TOX4: variants seen among roughly 807,000 people sequenced by gnomAD.
TOX4 encodes the protein epidermal Langerhans cell protein LCP1.
A neutral mutation model predicts 61.0 loss-of-function variants in TOX4; 12 were observed. The ratio of observed to expected loss-of-function variants is 0.20; its 90% CI spans 0.13 to 0.32. TOX4 has a LOEUF of 0.32. Ranked by LOEUF, TOX4 falls within the 10% of genes least tolerant of loss-of-function variation. The pLI is 1.00. For synonymous variants in TOX4, 268 were observed against 274.8 expected, an observed-to-expected ratio of 0.98 and a Z score of 0.24; for missense variants, 499 against 753.3, an observed-to-expected ratio of 0.66 and a Z score of 3.95.
rs573457183 is a variant in TOX4, at chr14:21,479,136, A to G, written c.75+1572A>G. ...CCAGTTTAACTTTTTTGTTGCTTTT[A>G]TTTATTATTCTCATAAGCAGGATAA... is the stretch of plus-strand genomic sequence containing the variant. On this transcript the variant is annotated intron_variant, in intron 2 of 8. Coordinates refer to ENST00000448790, the MANE Select transcript of TOX4 (RefSeq NM_014828.4). 7.7e-5 allele frequency among the ~76,000 whole-genome samples: 6 copies of G among 78,034 alleles called. No individual in the cohort carries two copies. The South Asian group carries it at 2.8e-3, about 36-fold the overall frequency. 51.2% of individuals were successfully genotyped at this position (78,034 alleles called of 152,430 possible).
intron 5 of TOX4, chr14:21,492,065 A>C (rs901153948): frequency 2.5e-6 from 1 of 404,630 alleles, no homozygotes; most frequent in South Asian, 5.3e-5. Flanking sequence ...AAATGTAGCT[A>C]TTCTTGCCAG....
chr14:21,492,261 G>A, intron 5 of TOX4, 35 bp from the exon 6 acceptor site: 1 of 1,508,500 alleles, frequency 6.6e-7, no homozygotes, highest in Non-Finnish European at 9.0e-7. Context: ...AGTATGGGGA[G>A]TTTTGTTTTT....
At position 21,499,153 on chromosome 14, in the gene TOX4, T is replaced by TAGCC. The variant is rs1447862851; in HGVS notation, c.*2550_*2551insCAGC. On this transcript the variant is annotated 3_prime_UTR_variant, in exon 9 of 9. Coordinates refer to ENST00000448790, the MANE Select transcript of TOX4 (RefSeq NM_014828.4). The stretch of plus-strand genomic sequence containing the variant: ...TGGAACGAACCTAGGAAATAAAAAC[T>TAGCC]AGCTGCTTTTTAAGTTACACAAGAT... 5.0e-6 allele frequency: 8 copies of TAGCC among 1,601,850 alleles called. No individual in the cohort carries two copies. The highest frequency in any genetic ancestry group is 6.8e-6 in the Non-Finnish European group (8 of 1,168,832).
At chr14:21,487,282 GAAGA>G (rs1177862798) in intron 2 of TOX4, among the ~76,000 whole-genome samples, 165 bp from the exon 3 acceptor site, 3 of 152,186 alleles carry the variant, frequency 2.0e-5, no homozygotes, top group African/African-American at 7.2e-5. Context: ...AAGGGTATCA[GAAGA>G]GAGATTGGTA....
In TOX4 at chr14:21,484,779, C is replaced by A. The variant is rs1460145322; in HGVS notation, c.76-2672C>A. ...GTTCAAGTGATCCTCGTGCCTCAGC[C>A]TCTCGAGTAGCTAGGATTATAGGTG... is the stretch of plus-strand genomic sequence containing the variant. On this transcript the variant is annotated intron_variant, in intron 2 of 8. Coordinates refer to ENST00000448790, the MANE Select transcript of TOX4 (RefSeq NM_014828.4). 7.6e-5 allele frequency among the ~76,000 whole-genome samples: 8 copies of A among 105,740 alleles called. 2 individuals are homozygous for A. Among genetic ancestry groups the A allele is most frequent in the Admixed American group, 6.8e-4 (8 of 11,806 alleles). The allele number at this position is 105,740 out of a possible 152,430, so 69.4% of individuals were successfully genotyped here.
At chr14:21,490,081 G>A (rs1002146803) in intron 5 of TOX4, among the ~76,000 whole-genome samples, 2 of 151,892 alleles carry the variant, frequency 1.3e-5, no homozygotes, top group Non-Finnish European at 1.5e-5. Flanking sequence ...TGAGGCGGGA[G>A]GATTGCTTGA....
intron 2 of TOX4, among the ~76,000 whole-genome samples, chr14:21,480,273 T>A (rs1201265065): frequency 1.3e-5 from 2 of 152,208 alleles, no homozygotes; most frequent in African/African-American, 4.8e-5. Context: ...GTCCTTTGTT[T>A]TTGTTTTTGT....
At position 21,496,839 on chromosome 14, in the gene TOX4, AAAGGGTG is replaced by A; in HGVS notation, c.*239_*245del. The A allele has an allele frequency of 2.1e-6, 1 of 481,768 alleles. No individual in the cohort carries two copies. The allele number at this position is 481,768 out of a possible 1,614,324, so 29.8% of individuals were successfully genotyped here. A position where few individuals can be genotyped will look rare whatever the true frequency, so the allele number is the denominator to read the frequency against. ...CAACCATAAGCGGTAATAGCAGAGG[AAAGGGTG>A]AAGGGAGTCTGGGCAAGCAAAGCAT... On this transcript the variant is annotated 3_prime_UTR_variant, in exon 9 of 9. Transcript: ENST00000448790.
Position 21,492,392 on chromosome 14 carries a change from T to C in TOX4, c.891+16T>C, listed in dbSNP as rs761683177. 2 of 1,613,228 alleles carry C rather than the reference T, an allele frequency of 1.2e-6. No homozygotes were observed. The highest frequency in any genetic ancestry group is 1.7e-6 in the Non-Finnish European group (2 of 1,179,754). On this transcript the variant is annotated intron_variant, in intron 6 of 8. Coordinates refer to ENST00000448790, the MANE Select transcript of TOX4 (RefSeq NM_014828.4). ...GGAGTGTCAGGTAAGAGGGATAGGA[T>C]AGAATGAATATTTAAACCAGTAAGA... is the stretch of plus-strand genomic sequence containing the variant.
Position 21,477,248 on chromosome 14 carries a change from G to A in TOX4, c.-31G>A, listed in dbSNP as rs767779587. The stretch of plus-strand genomic sequence containing the variant: ...CAGTGGGGGCGGTGGGAGCGATGAG[G>A]GTCTGAGACGGTGGGAGCGGTTGTG... On this transcript the variant is annotated 5_prime_UTR_variant, in exon 1 of 9. Coordinates refer to ENST00000448790, the MANE Select transcript of TOX4 (RefSeq NM_014828.4). 6.2e-7 allele frequency: 1 copy of A among 1,613,848 alleles called. No homozygotes were observed.
In TOX4 at chr14:21,488,594, T is replaced by G; in HGVS notation, c.323T>G (p.Leu108Trp). The G allele has an allele frequency of 6.2e-7, 1 of 1,613,714 alleles. No homozygotes were observed. Residue 108 changes from leucine (L) to tryptophan (W), a missense_variant, in exon 4 of 9, where the codon TTG (leucine) becomes TGG (tryptophan). This residue lies in a region of TOX4 where 90 missense variants were observed against 109.5 expected (regional missense o/e 0.82). Transcript: ENST00000448790. The stretch of plus-strand genomic sequence containing the variant: ...TAGTCCTTCTGCTTCTCTCAGGACT[T>G]GGACCACTCTATAGGAACTCAGTAT... ...GLLSGGLTMD[L>W]DHSIGTQYSA...
chr14:21,484,227 T>C (rs1891157864), intron 2 of TOX4, among the ~76,000 whole-genome samples: 1 of 152,098 alleles, frequency 6.6e-6, no homozygotes, highest in Non-Finnish European at 1.5e-5. Context: ...CTTTTTGTCT[T>C]TTAGGAAACT....
Position 21,498,295 on chromosome 14 carries a change from T to C in TOX4, c.*1689T>C. The C allele has an allele frequency of 6.2e-7, 1 of 1,613,450 alleles. No individual in the cohort carries two copies. The highest frequency in any genetic ancestry group is 8.5e-7 in the Non-Finnish European group (1 of 1,179,324). ...AGGTTTAGAGATGATACCATCTGGG[T>C]ACCTTTGCTTGAACCGTGCAACCAC... On this transcript the variant is annotated 3_prime_UTR_variant, in exon 9 of 9. Coordinates refer to ENST00000448790, the MANE Select transcript of TOX4 (RefSeq NM_014828.4).
intron 2 of TOX4, among the ~76,000 whole-genome samples, chr14:21,483,900 TG>T (rs1257267883): frequency 2.0e-5 from 3 of 152,020 alleles, no homozygotes; most frequent in Non-Finnish European, 4.4e-5. Flanking sequence ...CTTCAACTCC[TG>T]GGTTCAAGCG....
Position 21,496,687 on chromosome 14 carries a change from T to G in TOX4, c.*81T>G, listed in dbSNP as rs1176466035. On this transcript the variant is annotated 3_prime_UTR_variant, in exon 9 of 9. Transcript: ENST00000448790. The stretch of plus-strand genomic sequence containing the variant: ...CCTGTTTTTGAAACACAAGCTGGGC[T>G]TCTGGTAGTGCCTCATCACAACCCA... 1 of 1,274,646 alleles carries G rather than the reference T, an allele frequency of 7.8e-7. No individual in the cohort carries two copies. The highest frequency in any genetic ancestry group is 1.5e-5 in the African/African-American group (1 of 67,826). The allele number at this position is 1,274,646 out of a possible 1,614,324, so 79.0% of individuals were successfully genotyped here. A position where few individuals can be genotyped will look rare whatever the true frequency, so the allele number is the denominator to read the frequency against.
Position 21,492,625 on chromosome 14 carries a change from C to T in TOX4, c.1009C>T (p.Leu337=), listed in dbSNP as rs752304670. ...ACCAGCTTCAATAGAGCCCCCTGCC[C>T]TGTCCCCATCCATTGTTGTTAACTC... is the stretch of plus-strand genomic sequence containing the variant. ...PAPASIEPPA[L]SPSIVVNSTL... Residue 337 remains leucine, a synonymous_variant, in exon 7 of 9, where the codon CTG becomes TTG. Coordinates refer to ENST00000448790, the MANE Select transcript of TOX4 (RefSeq NM_014828.4). The T allele has an allele frequency of 3.2e-5, 51 of 1,613,682 alleles. No homozygotes were observed. In the South Asian group the frequency reaches 5.6e-4, roughly 18 times the overall value.
Position 21,488,594 on chromosome 14 carries a change from T to C in TOX4, c.323T>C (p.Leu108Ser). 1 of 1,613,714 alleles carries C rather than the reference T, an allele frequency of 6.2e-7. No individual in the cohort carries two copies. Among genetic ancestry groups the C allele is most frequent in the East Asian group, 2.2e-5 (1 of 44,878 alleles). ...GLLSGGLTMDLDHSIGTQYSA... is the reference protein window; with the variant it reads ...GLLSGGLTMDSDHSIGTQYSA... Reference sequence around the variant, plus strand: ...TAGTCCTTCTGCTTCTCTCAGGACTTGGACCACTCTATAGGAACTCAGTAT... The same window carrying C: ...TAGTCCTTCTGCTTCTCTCAGGACTCGGACCACTCTATAGGAACTCAGTAT... The change falls in exon 4 of 9, where the codon TTG becomes TCG. Residue 108 changes from leucine (L) to serine (S), a missense_variant. By Grantham distance (145) the Leu-to-Ser change is moderately radical. Coordinates refer to ENST00000448790, the MANE Select transcript of TOX4 (RefSeq NM_014828.4).
chr14:21,483,744 A>C (rs1891147931), intron 2 of TOX4, among the ~76,000 whole-genome samples: 1 of 147,076 alleles, frequency 6.8e-6, no homozygotes, highest in Non-Finnish European at 1.5e-5. Context: ...AGAAAAGTTC[A>C]GTTCTTGGGG....
chr14:21,478,625 T>C (rs1387298490), intron 2 of TOX4, among the ~76,000 whole-genome samples: 1 of 152,324 alleles, frequency 6.6e-6, no homozygotes, highest in East Asian at 1.9e-4. Flanking sequence ...AACTGAAGTC[T>C]TGAACCATCT....
Sources: gnomAD v4.1 joint callset for allele counts (sites outside exome capture counted in the v4.1 genomes callset) on GRCh38, gnomAD v4.1.1 for gene constraint, gnomAD v4.1.1 regional missense constraint, MANE v1.5 for transcripts, NCBI Gene and HGNC (gene_info 2026-07-23, HGNC 2026-07-21) for gene names.